APPBP2: variants seen among roughly 807,000 people sequenced by gnomAD.
APPBP2 encodes amyloid beta precursor protein binding protein 2.
A neutral mutation model predicts 76.0 loss-of-function variants in APPBP2; 15 were observed. That is an observed-to-expected ratio of 0.20 (90% CI 0.13 to 0.30). The LOEUF is 0.30. APPBP2 is among the 10% of genes least tolerant of loss of function. The pLI is 1.00. For synonymous variants in APPBP2, 222 were observed against 242.2 expected, an observed-to-expected ratio of 0.92 and a Z score of 0.77; for missense variants, 401 against 687.2, an observed-to-expected ratio of 0.58 and a Z score of 4.66.
At chr17:60,500,743 A>C (rs1293026204) in intron 1 of APPBP2, among the ~76,000 whole-genome samples, 1 of 152,208 alleles carries the variant, frequency 6.6e-6, no homozygotes, top group Non-Finnish European at 1.5e-5. Context: ...ATAATTATGT[A>C]TTCATTAAAT....
intron 11 of APPBP2, among the ~76,000 whole-genome samples, chr17:60,453,790 T>A (rs752859050): frequency 7.2e-5 from 11 of 152,088 alleles, no homozygotes; most frequent in Non-Finnish European, 1.3e-4. Context: ...TGTCCCACCC[T>A]GGACTCCAGT....
chr17:60,459,337 T>C (rs903592148), intron 9 of APPBP2, among the ~76,000 whole-genome samples: 1 of 152,126 alleles, frequency 6.6e-6, no homozygotes, highest in Non-Finnish European at 1.5e-5. Context: ...TGATGCATTA[T>C]CCCTAAACTC....
At chr17:60,473,394 T>C (rs1342960810) in intron 4 of APPBP2, among the ~76,000 whole-genome samples, 2 of 152,226 alleles carry the variant, frequency 1.3e-5, no homozygotes, top group African/African-American at 4.8e-5. Flanking sequence ...ATTTTAAAAA[T>C]AGGCTATATG....
intron 2 of APPBP2, among the ~76,000 whole-genome samples, chr17:60,497,588 A>G (rs936483956): frequency 1.3e-5 from 2 of 152,170 alleles, no homozygotes; most frequent in African/African-American, 4.8e-5. Flanking sequence ...TGCTTGTATC[A>G]AAGTATCTTA....
intron 1 of APPBP2, among the ~76,000 whole-genome samples, chr17:60,506,135 C>T (rs114294475): frequency 1.2e-4 from 19 of 152,098 alleles, no homozygotes; most frequent in African/African-American, 4.6e-4. Context: ...GTACTACAGG[C>T]ATGCACAACC....
chr17:60,467,421 T>C (rs2090519732), intron 4 of APPBP2, among the ~76,000 whole-genome samples: 1 of 152,216 alleles, frequency 6.6e-6, no homozygotes, highest in South Asian at 2.1e-4. Flanking sequence ...ATCTCTATCA[T>C]TCCTCTGTAT....
Position 60,516,175 on chromosome 17 carries a change from C to CA in APPBP2, c.138+9618dup, listed in dbSNP as rs1019131368. ...GAGACTCCCTCTCAAAAAACAAAAA[C>CA]AAAAAAAAAACAAACAAAAAAAACC... is the stretch of plus-strand genomic sequence containing the variant. On this transcript the variant is annotated intron_variant, in intron 1 of 12. Coordinates refer to ENST00000083182, the MANE Select transcript of APPBP2 (RefSeq NM_006380.5). Among the ~76,000 whole-genome samples, 117 of 144,838 alleles carry CA rather than the reference C, an allele frequency of 8.1e-4. 1 individual carries two copies. The highest frequency in any genetic ancestry group is 1.7e-3 in the Admixed American group (25 of 14,452).
At chr17:60,484,377 A>G (rs1598359295) in intron 3 of APPBP2, among the ~76,000 whole-genome samples, 1 of 152,206 alleles carries the variant, frequency 6.6e-6, no homozygotes, top group South Asian at 2.1e-4. Context: ...ATGTTCTTCC[A>G]TTTGTTTGTG....
intron 12 of APPBP2, among the ~76,000 whole-genome samples, chr17:60,450,144 C>T (rs2090381917): frequency 6.6e-6 from 1 of 151,622 alleles, no homozygotes; most frequent in African/African-American, 2.4e-5. Context: ...CAAAAGAAAA[C>T]ACTGATGCAG....
At chr17:60,482,977 C>G (rs185885112) in intron 3 of APPBP2, among the ~76,000 whole-genome samples, 16 of 152,284 alleles carry the variant, frequency 1.1e-4, no homozygotes, top group Admixed American at 4.6e-4. Flanking sequence ...AATAGTATTT[C>G]TAGTTCTAGA....
chr17:60,514,976 G>A (rs547816454), intron 1 of APPBP2, among the ~76,000 whole-genome samples: 1 of 152,024 alleles, frequency 6.6e-6, no homozygotes, highest in South Asian at 2.1e-4. Flanking sequence ...GCTAATTTCT[G>A]TATGTTTAGT....
At chr17:60,494,340 G>T in intron 3 of APPBP2, 126 bp downstream of exon 3, 1 of 944,500 alleles carries the variant, frequency 1.1e-6, no homozygotes, top group Non-Finnish European at 1.6e-6. Context: ...GGGGTTAAGT[G>T]GTTCTGATGT....
At chr17:60,478,167 C>A (rs75455502) in intron 4 of APPBP2, among the ~76,000 whole-genome samples, 12,467 of 151,910 alleles carry the variant, frequency 0.082, 1,682 homozygotes, top group African/African-American at 0.28. Flanking sequence ...ACTTTAGTTA[C>A]CTTACGATAA....
At chr17:60,486,856 G>A (rs1292886412) in intron 3 of APPBP2, among the ~76,000 whole-genome samples, 1 of 152,108 alleles carries the variant, frequency 6.6e-6, no homozygotes, top group Non-Finnish European at 1.5e-5. Flanking sequence ...CATCTTTAGT[G>A]CTTCCTTCAG....
chr17:60,464,304 A>T (rs183790730), intron 5 of APPBP2, among the ~76,000 whole-genome samples, 194 bp from the exon 6 acceptor site: 2 of 152,348 alleles, frequency 1.3e-5, no homozygotes, highest in African/African-American at 4.8e-5. Context: ...TAATATCTAT[A>T]GCTTATCTGA....
At position 60,466,308 on chromosome 17, in the gene APPBP2, T is replaced by C; in HGVS notation, c.655A>G (p.Lys219Glu). 1 of 1,613,794 alleles carries C rather than the reference T, an allele frequency of 6.2e-7. No homozygotes were observed. The highest frequency in any genetic ancestry group is 8.5e-7 in the Non-Finnish European group (1 of 1,179,898). Residue 219 changes from lysine to glutamate, a missense_variant, in exon 5 of 13, where the codon AAA (lysine) becomes GAA (glutamate). Coordinates refer to ENST00000083182, the MANE Select transcript of APPBP2 (RefSeq NM_006380.5). Reference protein sequence around the residue: ...YGELCALLFAKSHYDEAYKWC... With the variant: ...YGELCALLFAESHYDEAYKWC... Reference sequence around the variant, plus strand: ...ACACTTACCTCATCATAGTGACTTTTTGCAAATAGGAGTGCACACAGTTCT... The same window carrying C: ...ACACTTACCTCATCATAGTGACTTTCTGCAAATAGGAGTGCACACAGTTCT...
intron 4 of APPBP2, among the ~76,000 whole-genome samples, chr17:60,471,223 T>G (rs2143352030): frequency 6.6e-6 from 1 of 152,330 alleles, no homozygotes; most frequent in South Asian, 2.1e-4. Context: ...TTTCTTGATG[T>G]TTTTGATTTA....
intron 9 of APPBP2, among the ~76,000 whole-genome samples, chr17:60,459,223 G>A (rs1395626316): frequency 6.6e-6 from 1 of 152,038 alleles, no homozygotes; most frequent in Non-Finnish European, 1.5e-5. Flanking sequence ...TATAGTTTGG[G>A]TTGACAGATA....
intron 4 of APPBP2, among the ~76,000 whole-genome samples, chr17:60,478,557 C>A (rs900846323): frequency 1.8e-4 from 27 of 152,172 alleles, no homozygotes; most frequent in Admixed American, 1.3e-4. Context: ...TCCTAGTACA[C>A]AAGCATTCAA....
Sources: allele counts gnomAD v4.1 joint callset (sites outside exome capture counted in the v4.1 genomes callset), GRCh38; gene constraint gnomAD v4.1.1; transcripts MANE v1.5; gene names NCBI Gene and HGNC (gene_info 2026-07-23, HGNC 2026-07-21).